The following SYN3 variants were observed in gnomAD, a reference collection of about 807,000 sequenced individuals.
SYN3 encodes the protein synapsin-3.
Under a neutral mutation model 65.8 loss-of-function variants are expected in SYN3, and 35 were observed. The observed-to-expected ratio is 0.53, with a 90% CI of 0.41 to 0.70. SYN3 has a LOEUF of 0.70. SYN3 is among the 30% of genes least tolerant of loss of function. The pLI is 0.00. For synonymous variants in SYN3, 270 were observed against 292.9 expected (o/e 0.92, Z 0.80); for missense variants, 680 against 749.0 (o/e 0.91, Z 1.08).
intron 6 of SYN3, among the ~76,000 whole-genome samples, chr22:32,714,353 TTGTC>T (rs2061007424): frequency 6.6e-6 from 1 of 152,156 alleles, no homozygotes; most frequent in Non-Finnish European, 1.5e-5. Flanking sequence ...AAATGGGAGT[TTGTC>T]TGGCTGGTCT....
intron 3 of SYN3, among the ~76,000 whole-genome samples, chr22:32,980,150 G>C (rs1259165243): frequency 1.3e-5 from 2 of 152,156 alleles, no homozygotes; most frequent in Non-Finnish European, 2.9e-5. Context: ...GGTCCCTTCT[G>C]AGGTTTTAAA....
chr22:32,820,024 A>AT (rs1452939140), intron 6 of SYN3, among the ~76,000 whole-genome samples: 2 of 151,712 alleles, frequency 1.3e-5, no homozygotes, highest in Non-Finnish European at 2.9e-5. Context: ...CCTTGAGGGG[A>AT]TTTTTTGGTG....
rs191553753 is a variant in SYN3, at chr22:32,645,416, A to C, written c.712-48680T>G. On this transcript the variant is annotated intron_variant, in intron 6 of 13. Transcript: ENST00000358763. ...CGGTGAGCGAAGATCGCACCACTGC[A>C]CTCCAGCCTGGGCAACAAGAGCGAA... Among the ~76,000 whole-genome samples the C allele has an allele frequency of 3.5e-3, 529 of 150,470 alleles. 2 individuals are homozygous for C. The highest frequency in any genetic ancestry group is 0.011 in the African/African-American group (454 of 40,632).
intron 7 of SYN3, among the ~76,000 whole-genome samples, chr22:32,575,000 A>G (rs1437210457): frequency 6.6e-6 from 1 of 152,208 alleles, no homozygotes; most frequent in Non-Finnish European, 1.5e-5. Flanking sequence ...GTTTAGGAAC[A>G]ATTTACTGAA....
intron 2 of SYN3, 32 bp from the exon 3 acceptor site, chr22:32,980,734 A>T: frequency 6.2e-7 from 1 of 1,606,114 alleles, no homozygotes; most frequent in South Asian, 1.1e-5. Context: ...CTGAGTAAGG[A>T]TGCAGGCTGT....
intron 6 of SYN3, among the ~76,000 whole-genome samples, chr22:32,797,455 G>A (rs1342956267): frequency 6.6e-6 from 1 of 152,172 alleles, no homozygotes; most frequent in East Asian, 1.9e-4. Context: ...AGGTTTCCCG[G>A]AGGAGGTGAC....
rs377512867 is a variant in SYN3 at position 32,834,252 on chromosome 22, A to C, written c.711+30663T>G. On this transcript the variant is annotated intron_variant, in intron 6 of 13. Transcript: ENST00000358763. Reference sequence around the variant, plus strand: ...ACTGCAGCCTCCGCCTCCAAGGTTCAAGCCATTCTCCTGCCTCAGCCTCCC... The same window carrying C: ...ACTGCAGCCTCCGCCTCCAAGGTTCCAGCCATTCTCCTGCCTCAGCCTCCC... 1.1e-4 allele frequency among the ~76,000 whole-genome samples: 16 copies of C among 151,878 alleles called. No individual in the cohort carries two copies. In the East Asian group the frequency reaches 2.3e-3, roughly 22 times the overall value.
At chr22:32,902,117 C>T (rs2049776806) in intron 4 of SYN3, among the ~76,000 whole-genome samples, 1 of 152,232 alleles carries the variant, frequency 6.6e-6, no homozygotes, top group African/African-American at 2.4e-5. Context: ...GAAGTGGAGG[C>T]ACCTTCCAGG....
At chr22:32,723,993 C>T (rs1252075719) in intron 6 of SYN3, among the ~76,000 whole-genome samples, 1 of 152,178 alleles carries the variant, frequency 6.6e-6, no homozygotes, top group Non-Finnish European at 1.5e-5. Flanking sequence ...AACCAACAGG[C>T]TACCAGCATT....
chr22:32,859,540 G>T, intron 6 of SYN3: 6 of 899,624 alleles, frequency 6.7e-6, no homozygotes, highest in Non-Finnish European at 9.9e-6. Flanking sequence ...GGGTTTATTG[G>T]GAACTATCCT....
chr22:32,790,406 C>CTTTA (rs130557), intron 6 of SYN3, among the ~76,000 whole-genome samples: 26,167 of 145,668 alleles, frequency 0.18, 2,464 homozygotes, highest in East Asian at 0.29. Context: ...TTAAATTAAA[C>CTTTA]TTTATTTATT....
At chr22:32,751,439 C>A (rs144743028) in intron 6 of SYN3, among the ~76,000 whole-genome samples, 42 of 152,304 alleles carry the variant, frequency 2.8e-4, no homozygotes, top group African/African-American at 9.6e-4. Context: ...CTCCAATGTT[C>A]CCCTGGGATC....
intron 6 of SYN3, among the ~76,000 whole-genome samples, chr22:32,756,458 G>A (rs1451854425): frequency 6.6e-6 from 1 of 152,212 alleles, no homozygotes; most frequent in African/African-American, 2.4e-5. Context: ...TGGACAGTCT[G>A]ATGCTTGCAC....
chr22:32,770,938 C>T lies in SYN3; in HGVS notation c.711+93977G>A, dbSNP rs146582868. Among the ~76,000 whole-genome samples, 498 of 151,462 alleles carry T rather than the reference C, an allele frequency of 3.3e-3. 5 individuals are homozygous for T. Among genetic ancestry groups the T allele is most frequent in the African/African-American group, 0.011 (469 of 40,822 alleles). On this transcript the variant is annotated intron_variant, in intron 6 of 13. Transcript: ENST00000358763. ...TAAGTTCTGGGATACCTGTGCAGAA[C>T]GTGCAGGTTCGTTACAGAGGTATAC...
intron 6 of SYN3, among the ~76,000 whole-genome samples, chr22:32,669,053 A>C (rs2060327888): frequency 6.6e-6 from 1 of 152,214 alleles, no homozygotes; most frequent in African/African-American, 2.4e-5. Context: ...ATTTCTCAAA[A>C]ATCCTATGAG....
intron 7 of SYN3, among the ~76,000 whole-genome samples, chr22:32,555,878 A>G (rs144058595): frequency 3.3e-4 from 50 of 152,238 alleles, no homozygotes; most frequent in Middle Eastern, 3.4e-3. Context: ...TCTCTGTTTT[A>G]CCTCCCAGGA....
At chr22:32,649,369 A>C (rs1866162320) in intron 6 of SYN3, among the ~76,000 whole-genome samples, 1 of 152,214 alleles carries the variant, frequency 6.6e-6, no homozygotes, top group Non-Finnish European at 1.5e-5. Flanking sequence ...ATTATGTTTC[A>C]AAATTGTGAC....
At chr22:32,667,361 C>T (rs2060302779) in intron 6 of SYN3, among the ~76,000 whole-genome samples, 1 of 152,052 alleles carries the variant, frequency 6.6e-6, no homozygotes, top group Non-Finnish European at 1.5e-5. Context: ...CTGAAGGGAT[C>T]ATACTATGTA....
intron 7 of SYN3, among the ~76,000 whole-genome samples, chr22:32,548,734 T>C (rs970581444): frequency 4.6e-5 from 7 of 152,204 alleles, no homozygotes; most frequent in Non-Finnish European, 5.9e-5. Flanking sequence ...TTCAAAGATA[T>C]ATAACATACA....
Sources: gnomAD v4.1 joint callset for allele counts (sites outside exome capture counted in the v4.1 genomes callset) on GRCh38, gnomAD v4.1.1 for gene constraint, MANE v1.5 for transcripts, NCBI Gene and HGNC (gene_info 2026-07-23, HGNC 2026-07-21) for gene names.